Variants in NRXN1 observed in about 807,000 individuals in gnomAD.
NRXN1 encodes the protein neurexin 1, also known as neurexin-1.
A neutral mutation model predicts 150.9 loss-of-function variants in NRXN1; 39 were observed. That is an observed-to-expected ratio of 0.26 (90% CI 0.20 to 0.34). The LOEUF (loss-of-function observed/expected upper bound fraction) is 0.34, where lower values mean the gene tolerates loss of function less well. Among genes scored for constraint, NRXN1 ranks in the 10% least tolerant of loss-of-function variants. The pLI is 1.00. For synonymous variants in NRXN1, 924 were observed against 757.0 expected, an observed-to-expected ratio of 1.22 and a Z score of -3.62; for missense variants, 1,815 against 1,949.9, an observed-to-expected ratio of 0.93 and a Z score of 1.30.
At chr2:50,300,407 C>T (rs2074039815) in intron 17 of NRXN1, among the ~76,000 whole-genome samples, 1 of 152,202 alleles carries the variant, frequency 6.6e-6, no homozygotes, top group Non-Finnish European at 1.5e-5. Flanking sequence ...AAGCCACCAA[C>T]TCCAGTGGGA....
intron 12 of NRXN1, among the ~76,000 whole-genome samples, chr2:50,518,648 C>T (rs1156337594): frequency 2.8e-5 from 1 of 35,246 alleles, no homozygotes; most frequent in Non-Finnish European, 5.9e-5. Flanking sequence ...GTCACAAATG[C>T]ATTTTTTTAA....
At chr2:50,901,298 G>C (rs1326190592) in intron 5 of NRXN1, among the ~76,000 whole-genome samples, 1 of 152,100 alleles carries the variant, frequency 6.6e-6, no homozygotes, top group Non-Finnish European at 1.5e-5. Flanking sequence ...CACTTTGGGA[G>C]GCTGAGGCGG....
chr2:50,873,412 C>T (rs1361701028), intron 5 of NRXN1, among the ~76,000 whole-genome samples: 3 of 151,766 alleles, frequency 2.0e-5, no homozygotes, highest in Non-Finnish European at 4.4e-5. Context: ...ATGATTATAA[C>T]ATTCTATAAT....
chr2:50,562,376 G>A (rs538438871), intron 8 of NRXN1, among the ~76,000 whole-genome samples: 1 of 139,702 alleles, frequency 7.2e-6, no homozygotes, highest in South Asian at 2.2e-4. Flanking sequence ...ATTTCCTACA[G>A]TCTGTCCTTT....
intron 5 of NRXN1, among the ~76,000 whole-genome samples, chr2:50,759,193 T>C (rs1221711860): frequency 6.6e-6 from 1 of 151,958 alleles, no homozygotes; most frequent in Non-Finnish European, 1.5e-5. Flanking sequence ...ATAATGCCAA[T>C]GTATATTTCA....
intron 5 of NRXN1, among the ~76,000 whole-genome samples, chr2:50,786,590 G>A (rs1342622969): frequency 6.6e-6 from 1 of 152,138 alleles, no homozygotes; most frequent in Non-Finnish European, 1.5e-5. Context: ...AGTCCTTGCA[G>A]AGGAACTGGT....
intron 15 of NRXN1, among the ~76,000 whole-genome samples, chr2:50,483,377 G>A (rs557519766): frequency 3.2e-4 from 48 of 152,232 alleles, no homozygotes; most frequent in African/African-American, 1.1e-3. Context: ...AGTCCATGAC[G>A]CTGTTCTGCC....
chr2:49,932,971 G>A (rs1222956984), intron 22 of NRXN1, among the ~76,000 whole-genome samples: 1 of 152,106 alleles, frequency 6.6e-6, no homozygotes, highest in East Asian at 1.9e-4. Context: ...TATATACTCA[G>A]TGTGTCTGCA....
At chr2:50,649,289 C>CAA (rs1685262748) in intron 5 of NRXN1, among the ~76,000 whole-genome samples, 1 of 151,200 alleles carries the variant, frequency 6.6e-6, no homozygotes, top group Non-Finnish European at 1.5e-5. Flanking sequence ...CACACACACA[C>CAA]ACACACAAAG....
chr2:50,404,168 G>C (rs959094354), intron 17 of NRXN1, among the ~76,000 whole-genome samples: 3 of 143,566 alleles, frequency 2.1e-5, no homozygotes, highest in Non-Finnish European at 4.5e-5. Context: ...TTTTTTGTTT[G>C]TTTTGTTTTG....
chr2:51,018,673 T>G (rs2105260854), intron 2 of NRXN1, among the ~76,000 whole-genome samples: 1 of 152,176 alleles, frequency 6.6e-6, no homozygotes, highest in South Asian at 2.1e-4. Flanking sequence ...CAACTCTCAT[T>G]ATTTATGTGA....
chr2:50,561,520 A>G (rs1018724314), intron 8 of NRXN1, among the ~76,000 whole-genome samples: 17 of 152,288 alleles, frequency 1.1e-4, no homozygotes, highest in African/African-American at 4.1e-4. Flanking sequence ...AAAATAATGT[A>G]TTGGGGACTT....
intron 17 of NRXN1, among the ~76,000 whole-genome samples, chr2:50,326,285 G>A (rs2076378731): frequency 6.6e-6 from 1 of 152,028 alleles, no homozygotes; most frequent in South Asian, 2.1e-4. Context: ...AACAATTTCA[G>A]CAACAATTAC....
chr2:50,988,424 G>C (rs1047252715), intron 2 of NRXN1, among the ~76,000 whole-genome samples: 10 of 151,922 alleles, frequency 6.6e-5, no homozygotes, highest in South Asian at 4.1e-4. Context: ...AAACTAGACA[G>C]TTTTGTTTGG....
At chr2:50,579,794 G>A (rs889967349) in intron 8 of NRXN1, among the ~76,000 whole-genome samples, 12 of 152,108 alleles carry the variant, frequency 7.9e-5, no homozygotes, top group African/African-American at 2.9e-4. Context: ...ATATGAAGGT[G>A]AATCTAGTAG....
At chr2:50,360,556 C>T (rs1320964757) in intron 17 of NRXN1, among the ~76,000 whole-genome samples, 4 of 152,096 alleles carry the variant, frequency 2.6e-5, no homozygotes, top group Non-Finnish European at 4.4e-5. Context: ...GCAACAAGAA[C>T]AGCTAACTAT....
intron 18 of NRXN1, among the ~76,000 whole-genome samples, chr2:50,234,804 A>G (rs2065267125): frequency 6.6e-6 from 1 of 152,014 alleles, no homozygotes; most frequent in Admixed American, 6.6e-5. Context: ...CAAGACCAAG[A>G]TCGGAGATTC....
At chr2:50,204,070 A>C (rs996619000) in intron 18 of NRXN1, among the ~76,000 whole-genome samples, 2 of 152,130 alleles carry the variant, frequency 1.3e-5, no homozygotes, top group South Asian at 2.1e-4. Flanking sequence ...AAATGAACCT[A>C]AAATAAACCC....
At chr2:50,983,283 G>A (rs1236765487) in intron 2 of NRXN1, among the ~76,000 whole-genome samples, 2 of 152,010 alleles carry the variant, frequency 1.3e-5, no homozygotes, top group African/African-American at 4.8e-5. Flanking sequence ...AGGGGTATGA[G>A]GAATCCTTAT....
Sources: gnomAD v4.1 joint callset for allele counts (sites outside exome capture counted in the v4.1 genomes callset) on GRCh38, gnomAD v4.1.1 for gene constraint, MANE v1.5 for transcripts, NCBI Gene and HGNC (gene_info 2026-07-23, HGNC 2026-07-21) for gene names.